C2CD5: variants seen among roughly 807,000 people sequenced by gnomAD.
C2CD5 encodes the protein C2 calcium dependent domain containing 5.
In C2CD5, 109 loss-of-function variants were observed where a neutral mutation model predicts 130.3. The observed-to-expected ratio is 0.84, with a 90% CI of 0.72 to 0.98. The LOEUF (loss-of-function observed/expected upper bound fraction) is 0.98. C2CD5 is among the 50% of genes least tolerant of loss of function. The pLI is 0.00. For missense variants in C2CD5, 996 were observed against 1,261.8 expected, an observed-to-expected ratio of 0.79 and a Z score of 3.19; for synonymous variants, 454 against 429.2, an observed-to-expected ratio of 1.06 and a Z score of -0.71.
At chr12:22,472,164 G>C (rs1943140749) in intron 18 of C2CD5, 99 bp from the exon 19 acceptor site, 2 of 846,194 alleles carry the variant, frequency 2.4e-6, no homozygotes, top group Admixed American at 4.9e-5. Flanking sequence ...AACTAATGTA[G>C]TAGAATAAGG....
chr12:22,524,447 T>C, intron 6 of C2CD5, 25 bp downstream of exon 6: 1 of 1,604,714 alleles, frequency 6.2e-7, no homozygotes, highest in Non-Finnish European at 8.5e-7. Context: ...AATCAGTCAG[T>C]AATAAAGTTA....
At chr12:22,534,405 G>T (rs1018520826) in intron 3 of C2CD5, among the ~76,000 whole-genome samples, 2 of 151,902 alleles carry the variant, frequency 1.3e-5, no homozygotes, top group South Asian at 2.1e-4. Context: ...AAACTTTTGC[G>T]CATCAAAGAA....
At chr12:22,523,793 C>T (rs1303414650) in intron 6 of C2CD5, among the ~76,000 whole-genome samples, 169 bp from the exon 7 acceptor site, 1 of 150,102 alleles carries the variant, frequency 6.7e-6, no homozygotes, top group African/African-American at 2.4e-5. Flanking sequence ...GAATACAGAA[C>T]ATAATTCTAT....
rs1937955044 is a variant in C2CD5 at position 22,448,924 on chromosome 12, G to A, written c.*836C>T. ...GATATTACTAAAATCCTGTTTATTTGGTAGGAGTGCAATATTATCTTATTA... is the reference window on the plus strand; with the variant it reads ...GATATTACTAAAATCCTGTTTATTTAGTAGGAGTGCAATATTATCTTATTA... On this transcript the variant is annotated 3_prime_UTR_variant, in exon 27 of 27. Transcript: ENST00000446597. The A allele has an allele frequency of 1.3e-5, 2 of 152,398 alleles. No homozygotes were observed. The highest frequency in any genetic ancestry group is 2.9e-5 in the Non-Finnish European group (2 of 67,992). The allele number at this position is 152,398 out of a possible 1,614,324, so 9.4% of individuals were successfully genotyped here.
chr12:22,539,519 C>T (rs1436579982), intron 2 of C2CD5, among the ~76,000 whole-genome samples: 1 of 152,180 alleles, frequency 6.6e-6, no homozygotes, highest in Non-Finnish European at 1.5e-5. Context: ...AGAACCAACT[C>T]CAACTCCTAA....
intron 24 of C2CD5, among the ~76,000 whole-genome samples, chr12:22,457,698 A>G (rs545268605): frequency 6.6e-6 from 1 of 152,254 alleles, no homozygotes; most frequent in African/African-American, 2.4e-5. Flanking sequence ...GTTGTTTATA[A>G]AGTAAAAAAA....
rs374588878 is a variant in C2CD5, at chr12:22,473,802, C to A, written c.2043+949G>T. On this transcript the variant is annotated intron_variant, in intron 16 of 26. Coordinates refer to ENST00000446597, the MANE Select transcript of C2CD5 (RefSeq NM_001286176.2). ...GTAGAGCTGACGCCACAAGTAGGCA[C>A]ATCACACTTTGAGTAGCATTGCTGT... Among the ~76,000 whole-genome samples, 78 of 152,284 alleles carry A rather than the reference C, an allele frequency of 5.1e-4. 1 individual carries two copies. Among genetic ancestry groups the A allele is most frequent in the African/African-American group, 1.8e-3 (75 of 41,562 alleles).
chr12:22,513,254 A>G, intron 9 of C2CD5, 40 bp downstream of exon 9: 1 of 1,317,500 alleles, frequency 7.6e-7, no homozygotes, highest in South Asian at 1.2e-5. Flanking sequence ...ACAAAGTCAT[A>G]TTAACAGTGT....
intron 10 of C2CD5, among the ~76,000 whole-genome samples, chr12:22,494,416 A>G (rs549432393): frequency 5.3e-5 from 8 of 152,236 alleles, no homozygotes; most frequent in Admixed American, 5.2e-4. Context: ...GTTTTTCAAA[A>G]TTAGTAGAAT....
intron 9 of C2CD5, among the ~76,000 whole-genome samples, chr12:22,512,935 A>G (rs1006008630): frequency 3.9e-5 from 6 of 152,054 alleles, no homozygotes; most frequent in Non-Finnish European, 5.9e-5. Flanking sequence ...ATTCTAAGGA[A>G]TTATTTTTAA....
chr12:22,507,054 A>G (rs574393594), intron 9 of C2CD5: 4 of 324,778 alleles, frequency 1.2e-5, no homozygotes, highest in South Asian at 1.2e-4. Context: ...TCAGTTCTCA[A>G]TGAAGAAAAA....
chr12:22,501,282 C>T (rs185663255), intron 10 of C2CD5, among the ~76,000 whole-genome samples: 34 of 152,226 alleles, frequency 2.2e-4, no homozygotes, highest in Admixed American at 3.3e-4. Context: ...GCTTCCTCAA[C>T]CATGTTTTTC....
At position 22,457,060 on chromosome 12, in the gene C2CD5, G is replaced by A. The variant is rs1940023149; in HGVS notation, c.2788C>T (p.Pro930Ser). 6.2e-7 allele frequency: 1 copy of A among 1,610,856 alleles called. No homozygotes were observed. Among genetic ancestry groups the A allele is most frequent in the African/African-American group, 1.3e-5 (1 of 74,818 alleles). Residue 930 changes from proline (P) to serine (S), a missense_variant, in exon 25 of 27, where the codon CCT (proline) becomes TCT (serine). Pro to Ser is a moderately conservative substitution (Grantham distance 74, BLOSUM62 -1). Around this residue, in one of 9 missense-constraint regions of C2CD5, gnomAD observed 590 missense variants for 631.4 expected, o/e 0.93. Transcript: ENST00000446597. ...TTTGCTCCAGGAATAAAAGAAAGAG[G>A]TGTCATCTTAACAACCCCAACTGTG... ...NSTVGVVKMT[P>S]LSFIPGAKIT... is the part of the protein sequence containing the mutation.
intron 23 of C2CD5, 56 bp downstream of exon 23, chr12:22,459,436 C>G: frequency 8.7e-7 from 1 of 1,153,638 alleles, no homozygotes; most frequent in Non-Finnish European, 1.3e-6. Flanking sequence ...TTTTATGCAC[C>G]ACCAAACTAG....
intron 5 of C2CD5, 128 bp from the exon 6 acceptor site, chr12:22,524,755 T>C: frequency 1.6e-6 from 1 of 620,270 alleles, no homozygotes; most frequent in Middle Eastern, 3.7e-4. Context: ...ATATTTTCAA[T>C]GTAATTATAA....
intron 14 of C2CD5, among the ~76,000 whole-genome samples, chr12:22,481,798 ATTTTTTTTTTT>A (rs762273958): frequency 1.1e-5 from 1 of 93,192 alleles, no homozygotes; most frequent in Non-Finnish European, 2.1e-5. Flanking sequence ...CACCTGGTGT[ATTTTTTTTTTT>A]TTTTTTTTTT....
Position 22,471,391 on chromosome 12 carries a change from T to G in C2CD5, c.2358+8A>C, listed in dbSNP as rs753626231. On this transcript the variant is annotated splice_region_variant and intron_variant, in intron 20 of 26. Coordinates refer to ENST00000446597, the MANE Select transcript of C2CD5 (RefSeq NM_001286176.2). The stretch of plus-strand genomic sequence containing the variant: ...ATAAAGACTAATAATGGACTAAATC[T>G]TAATTACCTGAATTAATTCATCTTC... 7.2e-7 allele frequency: 1 copy of G among 1,397,382 alleles called. No individual in the cohort carries two copies. The highest frequency in any genetic ancestry group is 1.2e-5 in the South Asian group (1 of 84,798). 86.6% of individuals were successfully genotyped at this position (1,397,382 alleles called of 1,614,324 possible).
chr12:22,473,134 TC>T (rs760495796), intron 16 of C2CD5, among the ~76,000 whole-genome samples: 4 of 152,164 alleles, frequency 2.6e-5, no homozygotes, highest in Non-Finnish European at 5.9e-5. Context: ...TGTAATGAGA[TC>T]CTTTCACTAA....
At chr12:22,514,277 T>C (rs1166748129) in intron 8 of C2CD5, among the ~76,000 whole-genome samples, 1 of 152,136 alleles carries the variant, frequency 6.6e-6, no homozygotes, top group Non-Finnish European at 1.5e-5. Context: ...ACTAATTAAC[T>C]TTTACATTTT....
Sources: gnomAD v4.1 joint callset for allele counts (sites outside exome capture counted in the v4.1 genomes callset) on GRCh38, gnomAD v4.1.1 for gene constraint, gnomAD v4.1.1 regional missense constraint, MANE v1.5 for transcripts, NCBI Gene and HGNC (gene_info 2026-07-23, HGNC 2026-07-21) for gene names.